The following PPM1L variants were observed in gnomAD, a reference collection of about 807,000 sequenced individuals.
PPM1L encodes protein phosphatase, Mg2+/Mn2+ dependent 1L, also known as protein phosphatase 1L.
A neutral mutation model predicts 31.4 loss-of-function variants in PPM1L; 13 were observed. The observed-to-expected ratio is 0.41, with a 90% CI of 0.27 to 0.66. The LOEUF is 0.66. PPM1L is among the 30% of genes least tolerant of loss of function. The pLI, the probability that PPM1L is intolerant of heterozygous loss-of-function variation, is 0.29. For synonymous variants in PPM1L, 184 were observed against 175.4 expected, an observed-to-expected ratio of 1.05 and a Z score of -0.39; for missense variants, 326 against 453.7, an observed-to-expected ratio of 0.72 and a Z score of 2.56.
intron 1 of PPM1L, among the ~76,000 whole-genome samples, chr3:160,841,880 A>C (rs1713891791): frequency 6.6e-6 from 1 of 152,232 alleles, no homozygotes; most frequent in Non-Finnish European, 1.5e-5. Context: ...CTTTTGGCTT[A>C]TAAATGTCAA....
At position 160,808,388 on chromosome 3, in the gene PPM1L, T is replaced by TGTGTGTGTGTGTGTGTGCGCGCGCGC. The variant is rs1560112661; in HGVS notation, c.399+51698_399+51699insCGCGCGCGCGTGTGTGTGTGTGTGTG. Among the ~76,000 whole-genome samples, 45 of 138,608 alleles carry TGTGTGTGTGTGTGTGTGCGCGCGCGC rather than the reference T, an allele frequency of 3.2e-4. 1 individual carries two copies. The highest frequency in any genetic ancestry group is 4.8e-4 in the South Asian group (2 of 4,200). The allele number at this position is 138,608 out of a possible 152,430, so 90.9% of individuals were successfully genotyped here. A position where few individuals can be genotyped will look rare whatever the true frequency, so the allele number is the denominator to read the frequency against. ...GCTGCAGTGCCAGGATTTTCCTGTG[T>TGTGTGTGTGTGTGTGTGCGCGCGCGC]GTGTGTGTGTGTGTGTGTGTGTGTG... On this transcript the variant is annotated intron_variant, in intron 1 of 3. Coordinates refer to ENST00000498165, the MANE Select transcript of PPM1L (RefSeq NM_139245.4).
rs1553748137 is a variant in PPM1L, at chr3:160,944,802, C to CATATATTATATATG, written c.400-16928_400-16927insTATATATGATATAT. Among the ~76,000 whole-genome samples, 2 of 14,336 alleles carry CATATATTATATATG rather than the reference C, an allele frequency of 1.4e-4. 1 individual carries two copies. The highest frequency in any genetic ancestry group is 5.7e-4 in the Non-Finnish European group (2 of 3,480). 9.4% of individuals were successfully genotyped at this position (14,336 alleles called of 152,430 possible). Reference sequence around the variant, plus strand: ...ATTATATTATATATGTTATATATAACATATATAACATATATATGTTATATA... The same window carrying CATATATTATATATG: ...ATTATATTATATATGTTATATATAACATATATTATATATGATATATAACATATATATGTTATATA... On this transcript the variant is annotated intron_variant, in intron 1 of 3. Coordinates refer to ENST00000498165, the MANE Select transcript of PPM1L (RefSeq NM_139245.4).
intron 1 of PPM1L, among the ~76,000 whole-genome samples, chr3:160,834,173 A>G (rs2108099515): frequency 6.6e-6 from 1 of 151,816 alleles, no homozygotes; most frequent in African/African-American, 2.4e-5. Context: ...ACAGGCACCC[A>G]CCATCATGCC....
intron 2 of PPM1L, among the ~76,000 whole-genome samples, chr3:161,006,668 C>G (rs562818873): frequency 6.6e-6 from 1 of 151,110 alleles, no homozygotes; most frequent in Non-Finnish European, 1.5e-5. Flanking sequence ...TTCAGAAAAC[C>G]CACCGTCTTT....
intron 1 of PPM1L, among the ~76,000 whole-genome samples, chr3:160,824,000 T>A (rs1033617204): frequency 6.6e-6 from 1 of 152,140 alleles, no homozygotes; most frequent in African/African-American, 2.4e-5. Context: ...GAGACAAAGT[T>A]CTCACTGAAT....
intron 2 of PPM1L, among the ~76,000 whole-genome samples, chr3:160,967,291 T>C (rs1412995591): frequency 6.6e-6 from 1 of 152,004 alleles, no homozygotes; most frequent in African/African-American, 2.4e-5. Flanking sequence ...CAGTCTTGGG[T>C]ATTTCTTCAT....
At chr3:161,006,716 T>A (rs1294297118) in intron 2 of PPM1L, among the ~76,000 whole-genome samples, 5 of 145,682 alleles carry the variant, frequency 3.4e-5, no homozygotes, top group African/African-American at 1.3e-4. Context: ...GGAGTCTTGA[T>A]CTGTCGCCCA....
At chr3:160,945,269 C>T (rs1715372757) in intron 1 of PPM1L, among the ~76,000 whole-genome samples, 1 of 151,658 alleles carries the variant, frequency 6.6e-6, no homozygotes, top group South Asian at 2.1e-4. Flanking sequence ...GTCCCTGTCT[C>T]AGCTGCTCAA....
intron 1 of PPM1L, among the ~76,000 whole-genome samples, chr3:160,808,701 C>T (rs959014252): frequency 2.0e-5 from 3 of 152,120 alleles, no homozygotes; most frequent in East Asian, 1.9e-4. Flanking sequence ...TTATGTGCCT[C>T]GAGACAGTGG....
At chr3:160,891,487 C>T (rs1713138715) in intron 1 of PPM1L, among the ~76,000 whole-genome samples, 1 of 152,080 alleles carries the variant, frequency 6.6e-6, no homozygotes, top group South Asian at 2.1e-4. Context: ...ATTAAAAAGT[C>T]AGGAAACAAT....
At chr3:160,825,695 G>C (rs190184761) in intron 1 of PPM1L, among the ~76,000 whole-genome samples, 4 of 152,264 alleles carry the variant, frequency 2.6e-5, no homozygotes, top group African/African-American at 7.2e-5. Flanking sequence ...AGAAAGATAA[G>C]AATGACTTTA....
intron 1 of PPM1L, among the ~76,000 whole-genome samples, chr3:160,800,858 G>T (rs982509225): frequency 9.2e-5 from 14 of 152,102 alleles, no homozygotes; most frequent in African/African-American, 3.4e-4. Context: ...GTTTTAGGTA[G>T]AAAACAATGA....
chr3:160,892,083 C>T (rs752012343), intron 1 of PPM1L, among the ~76,000 whole-genome samples: 17 of 152,166 alleles, frequency 1.1e-4, no homozygotes, highest in Non-Finnish European at 1.9e-4. Context: ...CACCACGTCA[C>T]ATGTATACCT....
intron 1 of PPM1L, among the ~76,000 whole-genome samples, chr3:160,807,250 C>A (rs1291000042): frequency 6.6e-6 from 1 of 152,146 alleles, no homozygotes; most frequent in Non-Finnish European, 1.5e-5. Flanking sequence ...GGCATTTAAA[C>A]AAGTAGGCAC....
intron 1 of PPM1L, among the ~76,000 whole-genome samples, chr3:160,905,851 T>A (rs1279662738): frequency 6.6e-6 from 1 of 152,150 alleles, no homozygotes; most frequent in African/African-American, 2.4e-5. Context: ...AACATTTTTT[T>A]AAAAATCACA....
At chr3:161,018,124 T>A (rs1208982252) in intron 2 of PPM1L, among the ~76,000 whole-genome samples, 1 of 152,206 alleles carries the variant, frequency 6.6e-6, no homozygotes, top group Non-Finnish European at 1.5e-5. Flanking sequence ...GCATTCAGAC[T>A]GTGTATGCAT....
chr3:161,063,746 A>G (rs1283430908), intron 2 of PPM1L, among the ~76,000 whole-genome samples: 2 of 152,248 alleles, frequency 1.3e-5, no homozygotes, highest in East Asian at 1.9e-4. Flanking sequence ...ACTATTCACA[A>G]TAGCAAAGAC....
At chr3:160,850,291 G>A (rs1711500416) in intron 1 of PPM1L, among the ~76,000 whole-genome samples, 1 of 152,196 alleles carries the variant, frequency 6.6e-6, no homozygotes, top group Non-Finnish European at 1.5e-5. Context: ...TTTGGACAGT[G>A]GGTTGTTGTT....
intron 1 of PPM1L, among the ~76,000 whole-genome samples, chr3:160,949,188 T>C (rs981700806): frequency 2.0e-5 from 3 of 152,158 alleles, no homozygotes; most frequent in Non-Finnish European, 2.9e-5. Context: ...ACCGAAGCCC[T>C]GTCCTAGTGC....
Sources: allele counts gnomAD v4.1 joint callset (sites outside exome capture counted in the v4.1 genomes callset), GRCh38; gene constraint gnomAD v4.1.1; transcripts MANE v1.5; gene names NCBI Gene and HGNC (gene_info 2026-07-23, HGNC 2026-07-21).